The following MEIS3 variants were observed in gnomAD, a reference collection of about 807,000 sequenced individuals.
MEIS3 encodes Meis homeobox 3.
In MEIS3, 38 loss-of-function variants were observed where a neutral mutation model predicts 51.4. The ratio of observed to expected loss-of-function variants is 0.74; its 90% confidence interval spans 0.57 to 0.97. MEIS3 has a LOEUF of 0.97. Ranked by LOEUF, MEIS3 falls within the 50% of genes least tolerant of loss-of-function variation. The pLI is 0.00. For missense variants in MEIS3, 456 were observed against 502.6 expected (o/e 0.91, Z 0.89); for synonymous variants, 198 against 201.8 (o/e 0.98, Z 0.16).
intron 6 of MEIS3, among the ~76,000 whole-genome samples, chr19:47,413,936 C>T (rs1256541616): frequency 1.3e-5 from 2 of 151,672 alleles, no homozygotes; most frequent in African/African-American, 2.4e-5. Flanking sequence ...GGGGTTTCAC[C>T]GTGTTAGCCA....
At chr19:47,418,091 T>A (rs1276639008) in intron 1 of MEIS3, 1 of 209,602 alleles carries the variant, frequency 4.8e-6, no homozygotes, top group Non-Finnish European at 9.6e-6. Context: ...CGCACCACCA[T>A]ACAGACACGA....
intron 4 of MEIS3, 64 bp downstream of exon 4, chr19:47,416,588 G>C: frequency 7.5e-7 from 1 of 1,335,658 alleles, no homozygotes; most frequent in South Asian, 1.5e-5. Flanking sequence ...CCAACCCCAG[G>C]GATGGGGCGT....
chr19:47,421,042 C>T (rs1278718762), upstream of MEIS3, among the ~76,000 whole-genome samples: 1 of 151,320 alleles, frequency 6.6e-6, no homozygotes, highest in Admixed American at 6.6e-5. Flanking sequence ...AGGTGGCGGC[C>T]AGGCCTGGTG....
At chr19:47,416,431 A>G (rs528560577) in intron 4 of MEIS3, 8 of 511,196 alleles carry the variant, frequency 1.6e-5, no homozygotes, top group African/African-American at 8.0e-5. Context: ...GCCCTGGGTC[A>G]CAGAGCTGGT....
intron 4 of MEIS3, 76 bp downstream of exon 4, chr19:47,416,576 C>A (rs1015718316): frequency 2.4e-6 from 3 of 1,264,156 alleles, no homozygotes; most frequent in African/African-American, 1.5e-5. Flanking sequence ...GCACCCCCCC[C>A]ACCAACCCCA....
intron 6 of MEIS3, among the ~76,000 whole-genome samples, chr19:47,412,636 A>T (rs1971192713): frequency 6.6e-6 from 1 of 152,114 alleles, no homozygotes; most frequent in African/African-American, 2.4e-5. Context: ...ATCTTGGCTC[A>T]CTGCAACCTT....
intron 4 of MEIS3, chr19:47,416,077 T>G (rs886381951): frequency 2.0e-5 from 3 of 152,270 alleles, no homozygotes; most frequent in African/African-American, 7.3e-5. Context: ...TAAATGTTTT[T>G]GTAGAGGTGG....
chr19:47,408,239 G>T (rs538426358), intron 8 of MEIS3, among the ~76,000 whole-genome samples: 1 of 152,078 alleles, frequency 6.6e-6, no homozygotes, highest in Admixed American at 6.5e-5. Context: ...CAATCCTCCG[G>T]CCTCAGCCTC....
Position 47,403,507 on chromosome 19 carries a change from G to A in MEIS3, c.*64C>T. The stretch of plus-strand genomic sequence containing the variant: ...GTCCTGAAGCTGGAGGACCAGGCGG[G>A]AACCAGAGGCAGGTGTGAGGCTGGG... On this transcript the variant is annotated 3_prime_UTR_variant, in exon 13 of 13. Coordinates refer to ENST00000558555, the MANE Select transcript of MEIS3 (RefSeq NM_001301059.2). 2.2e-6 allele frequency: 1 copy of A among 456,036 alleles called. No homozygotes were observed. Among genetic ancestry groups the A allele is most frequent in the South Asian group, 1.6e-5 (1 of 64,486 alleles). The allele number at this position is 456,036 out of a possible 1,614,324, so 28.2% of individuals were successfully genotyped here.
upstream of MEIS3, among the ~76,000 whole-genome samples, chr19:47,419,950 T>C (rs962842191): frequency 6.6e-6 from 1 of 152,066 alleles, no homozygotes; most frequent in Non-Finnish European, 1.5e-5. Context: ...TGAGGCTCGA[T>C]TCCCCCTCTG....
At chr19:47,421,736 T>C (rs1390629026), upstream of MEIS3, among the ~76,000 whole-genome samples, 2 of 146,870 alleles carry the variant, frequency 1.4e-5, no homozygotes, top group African/African-American at 5.3e-5. Flanking sequence ...TCTGTCTGTC[T>C]GTCTCCTGGC....
Position 47,409,472 on chromosome 19 carries a change from G to A in MEIS3, c.673C>T (p.Leu225=). 6.2e-7 allele frequency: 1 copy of A among 1,614,080 alleles called. No homozygotes were observed. The highest frequency in any genetic ancestry group is 8.5e-7 in the Non-Finnish European group (1 of 1,179,954). Residue 225 remains leucine, a synonymous_variant, in exon 7 of 13, where the codon CTG becomes TTG. Coordinates refer to ENST00000558555, the MANE Select transcript of MEIS3 (RefSeq NM_001301059.2). ...GAGTTGTCCCCACTCTGGGAGGCCA[G>A]GCCCCCACTGGATGGACCTGGGGTC... is the stretch of plus-strand genomic sequence containing the variant. ...LGTPGPSSGG[L]ASQSGDNSSD...
At position 47,416,817 on chromosome 19, in the gene MEIS3, G is replaced by T; in HGVS notation, c.332C>A (p.Ala111Asp). 6.2e-7 allele frequency: 1 copy of T among 1,613,772 alleles called. No individual in the cohort carries two copies. The change falls in exon 3 of 13, where the codon GCC (alanine) becomes GAC (aspartate). Residue 111 changes from alanine to aspartate, a missense_variant. Ala to Asp is a moderately radical substitution (Grantham distance 126, BLOSUM62 -2). Transcript: ENST00000558555. ...GGAGGTGCCCACCTGCTTGGCAAAG[G>T]CAGCGATGTCCTCGTTGAAGGAATC... ...SSDSFNEDIAAFAKQVRSERP... is the reference protein window; with the variant it reads ...SSDSFNEDIADFAKQVRSERP...
rs865804155 is a variant in MEIS3 at position 47,414,800 on chromosome 19, C to T, written c.514G>A (p.Asp172Asn). Residue 172 changes from aspartate to asparagine, a missense_variant, in exon 6 of 13, where the codon GAC becomes AAC. Transcript: ENST00000558555. Reference sequence around the variant, plus strand: ...CCGTCCCGATCCTCGATGACCAGGTCGATGGGCATCTTTCCCTTGAGGCAG... The same window carrying T: ...CCGTCCCGATCCTCGATGACCAGGTTGATGGGCATCTTTCCCTTGAGGCAG... ...ITCLKGKMPI[D>N]LVIEDRDGGC... The T allele has an allele frequency of 3.1e-6, 5 of 1,612,806 alleles. No homozygotes were observed. Among genetic ancestry groups the T allele is most frequent in the Non-Finnish European group, 4.2e-6 (5 of 1,179,778 alleles).
chr19:47,420,787 G>A (rs1259898054), upstream of MEIS3, among the ~76,000 whole-genome samples: 3 of 151,448 alleles, frequency 2.0e-5, no homozygotes, highest in African/African-American at 4.9e-5. Context: ...GGAGGATGCC[G>A]GCGGGGGACG....
upstream of MEIS3, among the ~76,000 whole-genome samples, chr19:47,420,494 G>A (rs966794295): frequency 6.9e-6 from 1 of 144,208 alleles, no homozygotes; most frequent in African/African-American, 2.9e-5. Context: ...GAGTGGGGAG[G>A]GAGGTAACTC....
chr19:47,420,122 A>G (rs962934128), upstream of MEIS3, among the ~76,000 whole-genome samples: 1 of 152,182 alleles, frequency 6.6e-6, no homozygotes, highest in Non-Finnish European at 1.5e-5. Flanking sequence ...TGGCCGTTTA[A>G]GGCAGTCCGA....
At chr19:47,420,908 TCTCA>T (rs1312329191), upstream of MEIS3, among the ~76,000 whole-genome samples, 42 of 95,896 alleles carry the variant, frequency 4.4e-4, no homozygotes, top group East Asian at 9.0e-3. Flanking sequence ...TCTCTCTCTC[TCTCA>T]CACACACACA....
rs770134341 is a variant in MEIS3 at position 47,409,576 on chromosome 19, C to A, written c.598-29G>T. The stretch of plus-strand genomic sequence containing the variant: ...GAAAACAAGAGTTAGAAGTTAGTGC[C>A]AAGGCGGCCGGGCGCAGTGGCTCAC... On this transcript the variant is annotated intron_variant, in intron 6 of 12. Coordinates refer to ENST00000558555, the MANE Select transcript of MEIS3 (RefSeq NM_001301059.2). 4 of 1,574,916 alleles carry A rather than the reference C, an allele frequency of 2.5e-6. No individual in the cohort carries two copies. In the South Asian group the frequency reaches 3.3e-5, roughly 13 times the overall value.
Sources: gnomAD v4.1 joint callset for allele counts (sites outside exome capture counted in the v4.1 genomes callset) on GRCh38, gnomAD v4.1.1 for gene constraint, MANE v1.5 for transcripts, NCBI Gene and HGNC (gene_info 2026-07-23, HGNC 2026-07-21) for gene names.